The following ZNF496 variants were observed in gnomAD, a reference collection of about 807,000 sequenced individuals.
The protein encoded by ZNF496 is zinc finger protein 496, also known as NSD1 (nuclear receptor binding SET-domain containing 1)-interacting zinc finger protein 1.
A neutral mutation model predicts 58.9 loss-of-function variants in ZNF496; 11 were observed. That is an observed-to-expected ratio of 0.19 (90% CI 0.12 to 0.31). ZNF496 has a LOEUF of 0.31. Among genes scored for constraint, ZNF496 ranks in the 10% least tolerant of loss-of-function variants. ZNF496 has a pLI of 1.00. For synonymous variants in ZNF496, 338 were observed against 318.2 expected (o/e 1.06, Z -0.66); for missense variants, 660 against 783.0 (o/e 0.84, Z 1.88).
chr1:247,301,408 G>A (rs893829511), intron 9 of ZNF496, 132 bp from the exon 10 acceptor site: 10 of 1,196,954 alleles, frequency 8.4e-6, no homozygotes, highest in Non-Finnish European at 1.1e-5. Flanking sequence ...TGACCGGGGC[G>A]GCCTGGCCAG....
chr1:247,301,297 G>T, intron 9 of ZNF496, 21 bp from the exon 10 acceptor site: 1 of 1,504,542 alleles, frequency 6.6e-7, no homozygotes. Flanking sequence ...GCAACATGCA[G>T]GTCAGCGACG....
Position 247,309,454 on chromosome 1 carries a change from A to G in ZNF496, c.892+245T>C. The G allele has an allele frequency of 7.4e-7, 1 of 1,359,722 alleles. No homozygotes were observed. The allele number at this position is 1,359,722 out of a possible 1,614,324, so 84.2% of individuals were successfully genotyped here. ...TGTTACTTACAGGCAGAGGAGAAAG[A>G]CATTCCTATTATTTCCCAGTCCTTG... On this transcript the variant is annotated intron_variant, in intron 8 of 9. Transcript: ENST00000682384. The surrounding 1 kb of genome is among the most constrained non-coding windows in gnomAD (Gnocchi z 4.3).
rs1659147902 is a variant in ZNF496, at chr1:247,298,478, C to T, written c.*2041G>A. 6.6e-6 allele frequency: 1 copy of T among 152,458 alleles called. No homozygotes were observed. Among genetic ancestry groups the T allele is most frequent in the Admixed American group, 6.5e-5 (1 of 15,282 alleles). 9.4% of individuals were successfully genotyped at this position (152,458 alleles called of 1,614,324 possible). A position where few individuals can be genotyped will look rare whatever the true frequency, so the allele number is the denominator to read the frequency against. ...TGGGACCGCAAACGTCAACACCACA[C>T]CCAGCTAATTTTTTGCATTTTTGGT... is the stretch of plus-strand genomic sequence containing the variant. On this transcript the variant is annotated 3_prime_UTR_variant, in exon 10 of 10. Transcript: ENST00000682384.
In ZNF496 at chr1:247,328,689, C is replaced by G; in HGVS notation, c.568G>C (p.Asp190His). The change falls in exon 5 of 10, where the codon GAC (aspartate) becomes CAC (histidine). Residue 190 changes from aspartate (D) to histidine (H), a missense_variant. Asp to His is a moderately conservative substitution (Grantham distance 81). Coordinates refer to ENST00000682384, the MANE Select transcript of ZNF496 (RefSeq NM_032752.3). ...PSRPPSQLSG[D>H]PVLQDAFLLQ... ...ACTCCCCTGGGCTGCATACCTGGGT[C>G]CCCGCTGAGCTGGCTTGGTGGTCTG... The G allele has an allele frequency of 6.3e-7, 1 of 1,584,704 alleles. No homozygotes were observed. The highest frequency in any genetic ancestry group is 8.6e-7 in the Non-Finnish European group (1 of 1,165,376).
rs1240311047 is a variant in ZNF496, at chr1:247,329,086, C to T, written c.390+103G>A. The T allele has an allele frequency of 9.0e-6, 14 of 1,563,928 alleles. No homozygotes were observed. The highest frequency in any genetic ancestry group is 1.1e-5 in the Non-Finnish European group (13 of 1,145,908). On this transcript the variant is annotated intron_variant, in intron 4 of 9. Transcript: ENST00000682384. This position sits in a 1 kb window ranked among gnomAD's most constrained non-coding sequence, Gnocchi z 5.5. ...GTCTGGACCTAACCAAAGTAAATGG[C>T]TCTCGATGGAACTCCTCATTCCCCA...
chr1:247,328,644 C>T (rs779964226), intron 5 of ZNF496, 39 bp downstream of exon 5: 2 of 1,513,324 alleles, frequency 1.3e-6, no homozygotes, highest in African/African-American at 2.8e-5. Flanking sequence ...GTGTGCACTT[C>T]CCCAGATCAC....
intron 9 of ZNF496, among the ~76,000 whole-genome samples, chr1:247,302,750 T>C (rs1659287909): frequency 6.6e-6 from 1 of 152,158 alleles, no homozygotes; most frequent in Non-Finnish European, 1.5e-5. Flanking sequence ...AAGGTGAGAA[T>C]GACAGTGGCA....
rs1484871717 is a variant in ZNF496, at chr1:247,316,171, T to TGTGTGC, written c.652-5716_652-5715insGCACAC. Among the ~76,000 whole-genome samples, 27 of 139,136 alleles carry TGTGTGC rather than the reference T, an allele frequency of 1.9e-4. 1 individual carries two copies. The South Asian group carries it at 2.5e-3, about 13-fold the overall frequency. 91.3% of individuals were successfully genotyped at this position (139,136 alleles called of 152,430 possible). ...GTGTGTGTGTGTGTGTGTGTGTGTG[T>TGTGTGC]GCACGACTTCCTGGGAGGGGTGTGT... On this transcript the variant is annotated intron_variant, in intron 6 of 9. Transcript: ENST00000682384.
intron 5 of ZNF496, among the ~76,000 whole-genome samples, chr1:247,327,030 C>T (rs1453176892): frequency 6.6e-6 from 1 of 152,114 alleles, no homozygotes; most frequent in Non-Finnish European, 1.5e-5. Flanking sequence ...CCAAAGAGAG[C>T]CAGTGGCATA....
At position 247,318,239 on chromosome 1, in the gene ZNF496, T is replaced by C. The variant is rs115786905; in HGVS notation, c.651+4915A>G. Among the ~76,000 whole-genome samples, 920 of 152,304 alleles carry C rather than the reference T, an allele frequency of 6.0e-3. 6 individuals carry two copies. The highest frequency in any genetic ancestry group is 0.02 in the African/African-American group (833 of 41,546). ...AACAGTCTCAGGTACCTTTATAAAT[T>C]ACACAGTTTCTAACAAGAGATCTAA... On this transcript the variant is annotated intron_variant, in intron 6 of 9. Transcript: ENST00000682384.
At chr1:247,305,534 G>A (rs141056431) in intron 9 of ZNF496, among the ~76,000 whole-genome samples, 13 of 152,312 alleles carry the variant, frequency 8.5e-5, no homozygotes, top group Middle Eastern at 3.4e-3. Flanking sequence ...GGCATGCAGC[G>A]TGCAGGTAAC....
chr1:247,308,627 C>T lies in ZNF496; in HGVS notation c.893-39G>A, dbSNP rs1351567490. The stretch of plus-strand genomic sequence containing the variant: ...GAAATGGAAAAATTGATTTGTTTTG[C>T]ACCTACAGCACTACCTGGGAGGGTG... On this transcript the variant is annotated intron_variant, in intron 8 of 9. Transcript: ENST00000682384. The surrounding 1 kb of genome is among the most constrained non-coding windows in gnomAD (Gnocchi z 4.5). The T allele has an allele frequency of 6.4e-7, 1 of 1,566,638 alleles. No homozygotes were observed. Among genetic ancestry groups the T allele is most frequent in the South Asian group, 1.1e-5 (1 of 89,996 alleles).
intron 9 of ZNF496, among the ~76,000 whole-genome samples, chr1:247,301,479 G>C (rs1659235768): frequency 6.6e-6 from 1 of 152,174 alleles, no homozygotes; most frequent in Non-Finnish European, 1.5e-5. Context: ...GCCCCGCTGT[G>C]TCCAGAGCAT....
chr1:247,323,934 G>C (rs1252001057), intron 5 of ZNF496, among the ~76,000 whole-genome samples: 15 of 151,870 alleles, frequency 9.9e-5, no homozygotes, highest in African/African-American at 2.4e-5. Flanking sequence ...GGGCAACATA[G>C]GGAGACCGCA....
Position 247,329,335 on chromosome 1 carries a change from G to C in ZNF496, c.244C>G (p.Leu82Val). The C allele has an allele frequency of 6.2e-7, 1 of 1,613,656 alleles. No individual in the cohort carries two copies. Among genetic ancestry groups the C allele is most frequent in the East Asian group, 2.2e-5 (1 of 44,868 alleles). The change falls in exon 4 of 10, where the codon CTG (leucine) becomes GTG (valine). Residue 82 changes from leucine (L) to valine (V), a missense_variant. Leu to Val is a conservative substitution (Grantham distance 32). Transcript: ENST00000682384. This position sits in a 1 kb window ranked among gnomAD's most constrained non-coding sequence, Gnocchi z 5.5. ...AACTGCTCCAGCACCAGCAGCTCCA[G>C]AATCTGCTCCTTGGTGTGCCTCTCA... ...RPERHTKEQI[L>V]ELLVLEQFLA...
In ZNF496 at chr1:247,298,520, C is replaced by A. The variant is rs1030100180; in HGVS notation, c.*1999G>T. Reference sequence around the variant, plus strand: ...ATTTTTGGTACAGACGGGGTTTTGCCATGTGGCCCAGGCTGGTGTCACTGA... The same window carrying A: ...ATTTTTGGTACAGACGGGGTTTTGCAATGTGGCCCAGGCTGGTGTCACTGA... On this transcript the variant is annotated 3_prime_UTR_variant, in exon 10 of 10. Transcript: ENST00000682384. The A allele has an allele frequency of 1.3e-5, 2 of 152,614 alleles. No homozygotes were observed. The highest frequency in any genetic ancestry group is 2.4e-5 in the African/African-American group (1 of 41,452). 9.5% of individuals were successfully genotyped at this position (152,614 alleles called of 1,614,324 possible).
intron 9 of ZNF496, among the ~76,000 whole-genome samples, chr1:247,304,545 T>C (rs549743108): frequency 6.6e-6 from 1 of 152,188 alleles, no homozygotes; most frequent in East Asian, 1.9e-4. Flanking sequence ...CTAATTTTTG[T>C]ATTTTTAGTA....
chr1:247,329,098 CT>C lies in ZNF496; in HGVS notation c.390+90del. ...CCAAAGTAAATGGCTCTCGATGGAA[CT>C]CCTCATTCCCCAGCCAGCACATGCA... On this transcript the variant is annotated intron_variant, in intron 4 of 9. Transcript: ENST00000682384. The surrounding 1 kb of genome is among the most constrained non-coding windows in gnomAD (Gnocchi z 5.5). 1.3e-6 allele frequency: 2 copies of C among 1,582,386 alleles called. No homozygotes were observed. The highest frequency in any genetic ancestry group is 1.7e-6 in the Non-Finnish European group (2 of 1,159,206).
chr1:247,308,836 C>T lies in ZNF496; in HGVS notation c.893-248G>A, dbSNP rs1659501061. ...CGACGTAGATCCGGGTTCTACTCCA[C>T]CCACTCTATGGCCAGAGACAAGCAC... On this transcript the variant is annotated intron_variant, in intron 8 of 9. Coordinates refer to ENST00000682384, the MANE Select transcript of ZNF496 (RefSeq NM_032752.3). The surrounding 1 kb of genome is among the most constrained non-coding windows in gnomAD (Gnocchi z 4.5). 2.2e-6 allele frequency: 1 copy of T among 455,982 alleles called. No homozygotes were observed. The allele number at this position is 455,982 out of a possible 1,614,324, so 28.2% of individuals were successfully genotyped here. A position where few individuals can be genotyped will look rare whatever the true frequency, so the allele number is the denominator to read the frequency against.
Sources: allele counts gnomAD v4.1 joint callset (sites outside exome capture counted in the v4.1 genomes callset), GRCh38; gene constraint gnomAD v4.1.1; non-coding constraint Gnocchi (gnomAD v3.1); transcripts MANE v1.5; gene names NCBI Gene and HGNC (gene_info 2026-07-23, HGNC 2026-07-21).